NAB1: variants seen among roughly 807,000 people sequenced by gnomAD.
NAB1 encodes the protein NGFI-A binding protein 1.
In NAB1, 25 loss-of-function variants were observed where a neutral mutation model predicts 49.9. That is an observed-to-expected ratio of 0.50 (90% CI 0.37 to 0.70). NAB1 has a LOEUF of 0.70. NAB1 is among the 30% of genes least tolerant of loss of function. The pLI is 0.00. For synonymous variants in NAB1, 198 were observed against 215.6 expected (o/e 0.92, Z 0.71); for missense variants, 489 against 575.9 (o/e 0.85, Z 1.54).
At position 190,659,129 on chromosome 2, in the gene NAB1, G is replaced by C. The variant is rs1456000429; in HGVS notation, c.-19-29G>C. On this transcript the variant is annotated intron_variant, in intron 3 of 9. Coordinates refer to ENST00000337386, the MANE Select transcript of NAB1 (RefSeq NM_005966.4). This position sits in a 1 kb window ranked among gnomAD's most constrained non-coding sequence, Gnocchi z 6.2. ...AAGGAGTTTGAAGCAAGTATGATGAGTTTTTACTTTTTTTTTTTTTTTTGG... is the reference window on the plus strand; with the variant it reads ...AAGGAGTTTGAAGCAAGTATGATGACTTTTTACTTTTTTTTTTTTTTTTGG... The C allele has an allele frequency of 7.2e-7, 1 of 1,392,814 alleles. No individual in the cohort carries two copies. Among genetic ancestry groups the C allele is most frequent in the East Asian group, 2.3e-5 (1 of 43,330 alleles). The allele number at this position is 1,392,814 out of a possible 1,614,324, so 86.3% of individuals were successfully genotyped here.
Position 190,669,969 on chromosome 2 carries a change from G to A in NAB1, c.820-357G>A, listed in dbSNP as rs1197498069. ...ATTCATTTTTGGTTAGAGAAATGGTGTCAGCAAATCCTGTATTCTAATATT... is the reference window on the plus strand; with the variant it reads ...ATTCATTTTTGGTTAGAGAAATGGTATCAGCAAATCCTGTATTCTAATATT... On this transcript the variant is annotated intron_variant, in intron 4 of 9. Transcript: ENST00000337386. This position sits in a 1 kb window ranked among gnomAD's most constrained non-coding sequence, Gnocchi z 4.3. Among the ~76,000 whole-genome samples, 1 of 152,176 alleles carries A rather than the reference G, an allele frequency of 6.6e-6. No individual in the cohort carries two copies. The highest frequency in any genetic ancestry group is 1.5e-5 in the Non-Finnish European group (1 of 68,032).
At chr2:190,662,708 T>TAGA (rs1694289879) in intron 4 of NAB1, among the ~76,000 whole-genome samples, 1 of 152,202 alleles carries the variant, frequency 6.6e-6, no homozygotes, top group African/African-American at 2.4e-5. Flanking sequence ...ATAGAGAATG[T>TAGA]AGAAACTTGT....
In NAB1 at chr2:190,649,544, T is replaced by G. The variant is rs956527332; in HGVS notation, c.-334+184T>G. On this transcript the variant is annotated intron_variant, in intron 1 of 9. Coordinates refer to ENST00000337386, the MANE Select transcript of NAB1 (RefSeq NM_005966.4). This position sits in a 1 kb window ranked among gnomAD's most constrained non-coding sequence, Gnocchi z 6.1. ...CCGGAAGGAGAGGGCGGCCCCGGGC[T>G]CGTGTGGGCGATTCCCGGAGACATT... 6.6e-6 allele frequency: 1 copy of G among 151,862 alleles called. No homozygotes were observed. Among genetic ancestry groups the G allele is most frequent in the African/African-American group, 2.4e-5 (1 of 41,338 alleles). The allele number at this position is 151,862 out of a possible 1,614,324, so 9.4% of individuals were successfully genotyped here.
chr2:190,673,273 C>T, intron 6 of NAB1, 121 bp downstream of exon 6: 1 of 848,146 alleles, frequency 1.2e-6, no homozygotes, highest in Non-Finnish European at 1.9e-6. Context: ...AAATGGCTTT[C>T]AATAAATCTT....
rs768728583 is a variant in NAB1 at position 190,659,133 on chromosome 2, T to G, written c.-19-25T>G. 9.2e-5 allele frequency: 133 copies of G among 1,452,382 alleles called. No individual in the cohort carries two copies. Among genetic ancestry groups the G allele is most frequent in the Non-Finnish European group, 1.1e-4 (114 of 1,069,252 alleles). The allele number at this position is 1,452,382 out of a possible 1,614,324, so 90.0% of individuals were successfully genotyped here. Reference sequence around the variant, plus strand: ...AGTTTGAAGCAAGTATGATGAGTTTTTACTTTTTTTTTTTTTTTTGGCAGG... The same window carrying G: ...AGTTTGAAGCAAGTATGATGAGTTTGTACTTTTTTTTTTTTTTTTGGCAGG... On this transcript the variant is annotated intron_variant, in intron 3 of 9. Coordinates refer to ENST00000337386, the MANE Select transcript of NAB1 (RefSeq NM_005966.4). This position sits in a 1 kb window ranked among gnomAD's most constrained non-coding sequence, Gnocchi z 6.2.
Position 190,666,880 on chromosome 2 carries a change from G to A in NAB1, c.820-3446G>A, listed in dbSNP as rs550540701. On this transcript the variant is annotated intron_variant, in intron 4 of 9. Coordinates refer to ENST00000337386, the MANE Select transcript of NAB1 (RefSeq NM_005966.4). The surrounding 1 kb of genome is among the most constrained non-coding windows in gnomAD (Gnocchi z 5.6). ...GCATTCAGAAAAAGCTAACAGTGCT[G>A]CTGCAAGTGACGGGAATATTTTCAT... Among the ~76,000 whole-genome samples, 2 of 152,306 alleles carry A rather than the reference G, an allele frequency of 1.3e-5. No individual in the cohort carries two copies. The highest frequency in any genetic ancestry group is 3.9e-4 in the East Asian group (2 of 5,186).
intron 9 of NAB1, 37 bp from the exon 10 acceptor site, chr2:190,690,208 T>A (rs756715834): frequency 2.8e-6 from 4 of 1,419,820 alleles, no homozygotes; most frequent in Non-Finnish European, 3.0e-6. Context: ...GTCCATTGAT[T>A]AAAATATCAA....
Position 190,686,509 on chromosome 2 carries a change from T to G in NAB1, c.1259-692T>G, listed in dbSNP as rs1396096687. Among the ~76,000 whole-genome samples, 1 of 152,230 alleles carries G rather than the reference T, an allele frequency of 6.6e-6. No individual in the cohort carries two copies. Among genetic ancestry groups the G allele is most frequent in the East Asian group, 1.9e-4 (1 of 5,206 alleles). ...GCCATGGACTGAAATATTACATGTG[T>G]CAACACATCAGAGTACTGGAAGAGA... On this transcript the variant is annotated intron_variant, in intron 8 of 9. Coordinates refer to ENST00000337386, the MANE Select transcript of NAB1 (RefSeq NM_005966.4). This position sits in a 1 kb window ranked among gnomAD's most constrained non-coding sequence, Gnocchi z 5.5.
At chr2:190,672,888 G>A (rs1694886480) in intron 5 of NAB1, among the ~76,000 whole-genome samples, 1 of 152,042 alleles carries the variant, frequency 6.6e-6, no homozygotes, top group Non-Finnish European at 1.5e-5. Context: ...CTTTTAAAAT[G>A]TATAATTGTA....
In NAB1 at chr2:190,689,721, G is replaced by A. The variant is rs16832834; in HGVS notation, c.1376-524G>A. On this transcript the variant is annotated intron_variant, in intron 9 of 9. Coordinates refer to ENST00000337386, the MANE Select transcript of NAB1 (RefSeq NM_005966.4). The surrounding 1 kb of genome is among the most constrained non-coding windows in gnomAD (Gnocchi z 4.3). ...CTACCTTAATATGTCATTGTCGGAA[G>A]AACTTTAAAAAATAGTTCCAAGGTT... Among the ~76,000 whole-genome samples the A allele has an allele frequency of 0.19, 28,281 of 151,832 alleles. 3,141 individuals are homozygous for A. The highest frequency in any genetic ancestry group is 0.37 in the East Asian group (1,908 of 5,168).
rs1695153712 is a variant in NAB1 at position 190,677,928 on chromosome 2, G to A, written c.1005+4776G>A. On this transcript the variant is annotated intron_variant, in intron 6 of 9. Coordinates refer to ENST00000337386, the MANE Select transcript of NAB1 (RefSeq NM_005966.4). The surrounding 1 kb of genome is among the most constrained non-coding windows in gnomAD (Gnocchi z 5.6). ...CTTTCCTCCTAGTACCGTGTGAAGG[G>A]CGAAATGTGTGCAGGACTGGTAGTC... Among the ~76,000 whole-genome samples, 6 of 152,332 alleles carry A rather than the reference G, an allele frequency of 3.9e-5. No individual in the cohort carries two copies. The South Asian group carries it at 1.2e-3, about 32-fold the overall frequency.
intron 4 of NAB1, among the ~76,000 whole-genome samples, chr2:190,664,586 C>CTTTTTTTTTTTTTTTT (rs71027237): frequency 6.5e-5 from 4 of 61,092 alleles, no homozygotes; most frequent in African/African-American, 6.6e-5. Flanking sequence ...TTCTTCTTTC[C>CTTTTTTTTTTTTTTTT]TTTTTTTTTT....
At chr2:190,688,822 T>TCTTTCTTTTCTTTTCTTC in intron 9 of NAB1, among the ~76,000 whole-genome samples, 1 of 151,618 alleles carries the variant, frequency 6.6e-6, no homozygotes, top group East Asian at 1.9e-4. Flanking sequence ...TTCTTTCCTT[T>TCTTTCTTTTCTTTTCTTC]CTTTCTTTTC....
In NAB1 at chr2:190,673,137, G is replaced by A; in HGVS notation, c.990G>A (p.Lys330=). Residue 330 remains lysine (K), a synonymous_variant, in exon 6 of 10, where the codon AAG becomes AAA. Coordinates refer to ENST00000337386, the MANE Select transcript of NAB1 (RefSeq NM_005966.4). ...GAGAAAGAGATGAATTATCCCCAAA[G>A]AGAATTAAAGTGGAGGTATGGTCAT... ...KCGERDELSP[K]RIKVEDGFPD... 6.2e-7 allele frequency: 1 copy of A among 1,610,126 alleles called. No individual in the cohort carries two copies. The highest frequency in any genetic ancestry group is 1.7e-4 in the Middle Eastern group (1 of 6,040).
rs1342421339 is a variant in NAB1, at chr2:190,678,006, T to C, written c.1005+4854T>C. On this transcript the variant is annotated intron_variant, in intron 6 of 9. Coordinates refer to ENST00000337386, the MANE Select transcript of NAB1 (RefSeq NM_005966.4). This position sits in a 1 kb window ranked among gnomAD's most constrained non-coding sequence, Gnocchi z 4.9. ...TTATTTTCTAATCCAAGAAATGTTA[T>C]GTAGTAAACAGTTACAAGTTTTGAG... 6.6e-6 allele frequency among the ~76,000 whole-genome samples: 1 copy of C among 152,242 alleles called. No individual in the cohort carries two copies. The highest frequency in any genetic ancestry group is 1.5e-5 in the Non-Finnish European group (1 of 68,042).
Position 190,667,908 on chromosome 2 carries a change from AAAAAATCCC to A in NAB1, c.820-2416_820-2408del, listed in dbSNP as rs1286912946. On this transcript the variant is annotated intron_variant, in intron 4 of 9. Coordinates refer to ENST00000337386, the MANE Select transcript of NAB1 (RefSeq NM_005966.4). The surrounding 1 kb of genome is among the most constrained non-coding windows in gnomAD (Gnocchi z 4.4). ...CTGTATGGCTAATGACAAACTTAAA[AAAAAATCCC>A]ATTACATATGATGAAGAGTTAATGC... Among the ~76,000 whole-genome samples the A allele has an allele frequency of 6.6e-6, 1 of 152,158 alleles. No individual in the cohort carries two copies. Among genetic ancestry groups the A allele is most frequent in the East Asian group, 1.9e-4 (1 of 5,202 alleles).
chr2:190,687,369 A>G, intron 9 of NAB1, 52 bp downstream of exon 9: 1 of 922,752 alleles, frequency 1.1e-6, no homozygotes. Flanking sequence ...AAGCATCTTT[A>G]AATTCTGTTC....
chr2:190,671,392 C>T (rs140012028), intron 5 of NAB1, among the ~76,000 whole-genome samples: 1 of 152,222 alleles, frequency 6.6e-6, no homozygotes, highest in East Asian at 1.9e-4. Context: ...TTCTGCCCTA[C>T]GTCAGTACCT....
rs1469237448 is a variant in NAB1, at chr2:190,662,670, G to A, written c.819+2675G>A. Among the ~76,000 whole-genome samples, 3 of 152,210 alleles carry A rather than the reference G, an allele frequency of 2.0e-5. No individual in the cohort carries two copies. In the East Asian group the frequency reaches 5.8e-4, roughly 29 times the overall value. ...AAATCAGTGAATGGATGAGGAGAGA[G>A]CAACTAAAACTTGGGAACAGCAAGG... is the stretch of plus-strand genomic sequence containing the variant. On this transcript the variant is annotated intron_variant, in intron 4 of 9. Coordinates refer to ENST00000337386, the MANE Select transcript of NAB1 (RefSeq NM_005966.4).
Sources: gnomAD v4.1 joint callset for allele counts (sites outside exome capture counted in the v4.1 genomes callset) on GRCh38, gnomAD v4.1.1 for gene constraint, Gnocchi (gnomAD v3.1) non-coding constraint, MANE v1.5 for transcripts, NCBI Gene and HGNC (gene_info 2026-07-23, HGNC 2026-07-21) for gene names.